Variants in SOCS6 observed in about 807,000 individuals in gnomAD.
SOCS6 encodes the protein STAT induced STAT inhibitor-4.
A neutral mutation model predicts 27.7 loss-of-function variants in SOCS6; 5 were observed. The observed-to-expected ratio is 0.18, with a 90% CI of 0.09 to 0.38. SOCS6 has a LOEUF of 0.38. Ranked by LOEUF, SOCS6 falls within the 10% of genes least tolerant of loss-of-function variation. The probability of loss-of-function intolerance (pLI) is 1.00; values close to 1 mark genes in which losing one functional copy is unlikely to be tolerated. For missense variants in SOCS6, 595 were observed against 688.1 expected (o/e 0.86, Z 1.51); for synonymous variants, 271 against 260.0 (o/e 1.04, Z -0.41).
Position 70,324,861 on chromosome 18 carries a change from A to G in SOCS6, c.193A>G (p.Lys65Glu). 2 of 1,614,226 alleles carry G rather than the reference A, an allele frequency of 1.2e-6. No individual in the cohort carries two copies. The highest frequency in any genetic ancestry group is 1.6e-4 in the Middle Eastern group (1 of 6,062). The change falls in exon 2 of 2, where the codon AAA (lysine) becomes GAA (glutamate). Residue 65 changes from lysine (K) to glutamate (E), a missense_variant. Around this residue, in one of 2 missense-constraint regions of SOCS6, gnomAD observed 467 missense variants for 481.1 expected, o/e 0.97. Coordinates refer to ENST00000397942, the MANE Select transcript of SOCS6 (RefSeq NM_004232.4). ...CAACGGTGAAGATGAAAAAGGCGGA[A>G]AAAACAGATCAAAAAGCGAGAGCCT... ...DINGEDEKGG[K>E]NRSKSESLMG...
At chr18:70,304,676 T>C (rs2062361745) in intron 1 of SOCS6, among the ~76,000 whole-genome samples, 1 of 152,256 alleles carries the variant, frequency 6.6e-6, no homozygotes, top group Admixed American at 6.5e-5. Context: ...TCAGTTACGA[T>C]ACACAGATAT....
At chr18:70,306,731 C>T (rs540136654) in intron 1 of SOCS6, among the ~76,000 whole-genome samples, 1 of 152,016 alleles carries the variant, frequency 6.6e-6, no homozygotes, top group Non-Finnish European at 1.5e-5. Context: ...CATAGTTGCC[C>T]TTAATTAGTT....
At chr18:70,310,210 T>G (rs2146279201) in intron 1 of SOCS6, among the ~76,000 whole-genome samples, 1 of 152,248 alleles carries the variant, frequency 6.6e-6, no homozygotes, top group South Asian at 2.1e-4. Context: ...TCCAGCTTCA[T>G]AGTTACTTTT....
rs1406955646 is a variant in SOCS6, at chr18:70,327,002, G to A, written c.*726G>A. On this transcript the variant is annotated 3_prime_UTR_variant, in exon 2 of 2. Coordinates refer to ENST00000397942, the MANE Select transcript of SOCS6 (RefSeq NM_004232.4). ...TTACATTAAAAAATTGTAAAGAAAT[G>A]TATACCACCAATTTAGAAATTGTTG... is the stretch of plus-strand genomic sequence containing the variant. The A allele has an allele frequency of 6.0e-6, 1 of 166,132 alleles. No homozygotes were observed. Among genetic ancestry groups the A allele is most frequent in the Non-Finnish European group, 1.5e-5 (1 of 68,094 alleles). 10.3% of individuals were successfully genotyped at this position (166,132 alleles called of 1,614,324 possible). A position where few individuals can be genotyped will look rare whatever the true frequency, so the allele number is the denominator to read the frequency against.
chr18:70,295,756 C>G (rs1408108492), intron 1 of SOCS6, among the ~76,000 whole-genome samples: 1 of 152,182 alleles, frequency 6.6e-6, no homozygotes, highest in African/African-American at 2.4e-5. Context: ...AGGAACTGCT[C>G]TGATTATAGA....
At position 70,325,155 on chromosome 18, in the gene SOCS6, A is replaced by G; in HGVS notation, c.487A>G (p.Ser163Gly). ...VRVKALVHSS[S>G]PSPALNGVRK... Reference sequence around the variant, plus strand: ...AGTCAAGGCCTTGGTTCACTCTTCCAGCCCGAGTCCAGCCCTGAATGGCGT... The same window carrying G: ...AGTCAAGGCCTTGGTTCACTCTTCCGGCCCGAGTCCAGCCCTGAATGGCGT... The change falls in exon 2 of 2, where the codon AGC becomes GGC. Residue 163 changes from serine to glycine, a missense_variant. Physicochemically the swap from Ser to Gly is moderately conservative, Grantham distance 56. Transcript: ENST00000397942. The surrounding 1 kb of genome is among the most constrained non-coding windows in gnomAD (Gnocchi z 6.3). The G allele has an allele frequency of 6.2e-7, 1 of 1,614,180 alleles. No individual in the cohort carries two copies. The highest frequency in any genetic ancestry group is 2.2e-5 in the East Asian group (1 of 44,882).
chr18:70,322,682 G>A (rs1297782026), intron 1 of SOCS6, among the ~76,000 whole-genome samples: 1 of 152,144 alleles, frequency 6.6e-6, no homozygotes, highest in Non-Finnish European at 1.5e-5. Flanking sequence ...AGTAACTGGT[G>A]CTTCAAATAT....
intron 1 of SOCS6, among the ~76,000 whole-genome samples, chr18:70,316,564 G>T (rs12604945): frequency 6.6e-6 from 1 of 151,714 alleles, no homozygotes; most frequent in Admixed American, 6.6e-5. Context: ...ATTATATTAT[G>T]AATTATACTT....
At chr18:70,320,089 T>G (rs1347039512) in intron 1 of SOCS6, among the ~76,000 whole-genome samples, 2 of 152,058 alleles carry the variant, frequency 1.3e-5, no homozygotes, top group African/African-American at 4.8e-5. Context: ...CTTCCTGGGC[T>G]CAAGTGATTC....
chr18:70,306,642 T>C (rs1020070925), intron 1 of SOCS6, among the ~76,000 whole-genome samples: 4 of 152,030 alleles, frequency 2.6e-5, no homozygotes, highest in Admixed American at 2.6e-4. Flanking sequence ...TGAGCGCAAA[T>C]GTCCTTGTCT....
At chr18:70,296,015 A>C (rs1386578585) in intron 1 of SOCS6, among the ~76,000 whole-genome samples, 1 of 152,178 alleles carries the variant, frequency 6.6e-6, no homozygotes, top group African/African-American at 2.4e-5. Flanking sequence ...AAGATACAGA[A>C]GGCAGGAACA....
chr18:70,329,015 A>G lies in SOCS6; in HGVS notation c.*2739A>G, dbSNP rs1410879135. On this transcript the variant is annotated 3_prime_UTR_variant, in exon 2 of 2. Transcript: ENST00000397942. The stretch of plus-strand genomic sequence containing the variant: ...AAAAGAAAACAGGAAAGCTGTATCC[A>G]TTTGCCATAATAGATGAATCAGAAT... 1.8e-5 allele frequency: 3 copies of G among 167,236 alleles called. No homozygotes were observed. Among genetic ancestry groups the G allele is most frequent in the African/African-American group, 7.2e-5 (3 of 41,588 alleles). 10.4% of individuals were successfully genotyped at this position (167,236 alleles called of 1,614,324 possible).
chr18:70,324,144 ACAAAAAACTTAG>A (rs1911094768), intron 1 of SOCS6, among the ~76,000 whole-genome samples: 1 of 152,108 alleles, frequency 6.6e-6, no homozygotes, highest in South Asian at 2.1e-4. Flanking sequence ...CTATTAAAAT[ACAAAAAACTTAG>A]CTGAGTGTGG....
At chr18:70,306,608 C>T (rs2062370749) in intron 1 of SOCS6, among the ~76,000 whole-genome samples, 1 of 151,658 alleles carries the variant, frequency 6.6e-6, no homozygotes, top group South Asian at 2.1e-4. Context: ...CTCAAACCTT[C>T]AGTACAGTGT....
intron 1 of SOCS6, among the ~76,000 whole-genome samples, chr18:70,294,936 G>A (rs1443098210): frequency 2.0e-5 from 3 of 152,244 alleles, no homozygotes; most frequent in Admixed American, 2.0e-4. Context: ...GGAGACTGGG[G>A]AGTGATGATT....
At chr18:70,297,040 A>G (rs1223511069) in intron 1 of SOCS6, among the ~76,000 whole-genome samples, 5 of 148,552 alleles carry the variant, frequency 3.4e-5, no homozygotes, top group African/African-American at 1.2e-4. Flanking sequence ...TTTGGAGGGG[A>G]GTTCCCTCAA....
chr18:70,316,335 TC>T (rs2062411353), intron 1 of SOCS6, among the ~76,000 whole-genome samples: 1 of 152,206 alleles, frequency 6.6e-6, no homozygotes, highest in Non-Finnish European at 1.5e-5. Context: ...ATGAAGGTTT[TC>T]ATTGGGGCCT....
chr18:70,316,072 G>GCTC (rs952090987), intron 1 of SOCS6, among the ~76,000 whole-genome samples: 3 of 151,684 alleles, frequency 2.0e-5, no homozygotes, highest in African/African-American at 7.3e-5. Flanking sequence ...CTGGTCTTGA[G>GCTC]CTCCTAACCT....
At chr18:70,322,998 C>T (rs1467439014) in intron 1 of SOCS6, among the ~76,000 whole-genome samples, 1 of 152,190 alleles carries the variant, frequency 6.6e-6, no homozygotes, top group Non-Finnish European at 1.5e-5. Flanking sequence ...GATTAGGTGA[C>T]CATCAGTTAT....
Sources: allele counts gnomAD v4.1 joint callset (sites outside exome capture counted in the v4.1 genomes callset), GRCh38; gene constraint gnomAD v4.1.1; regional missense constraint gnomAD v4.1.1; non-coding constraint Gnocchi (gnomAD v3.1); transcripts MANE v1.5; gene names NCBI Gene and HGNC (gene_info 2026-07-23, HGNC 2026-07-21).